STK40: variants seen among roughly 807,000 people sequenced by gnomAD.
The protein encoded by STK40 is serine/threonine kinase 40, also known as serine/threonine-protein kinase 40.
A neutral mutation model predicts 47.9 loss-of-function variants in STK40; 13 were observed. That is an observed-to-expected ratio of 0.27 (90% CI 0.18 to 0.43). STK40 has a LOEUF of 0.43. STK40 is among the 20% of genes least tolerant of loss of function. The pLI, the probability that STK40 is intolerant of heterozygous loss-of-function variation, is 1.00. For missense variants in STK40, 460 were observed against 595.1 expected (o/e 0.77, Z 2.36); for synonymous variants, 225 against 243.2 (o/e 0.93, Z 0.69).
rs773940046 is a variant in STK40 at position 36,343,877 on chromosome 1, A to G, written c.987T>C (p.Ser329=). The change falls in exon 9 of 11, where the codon AGT becomes AGC. Residue 329 remains serine (S), a synonymous_variant. Coordinates refer to ENST00000373132, the MANE Select transcript of STK40 (RefSeq NM_001282547.2). ...CCACTTACCATGATGCAATGATGGC[A>G]CTGAGGGCCTCCAGGACGTCGGCGG... ...LAAADVLEAL[S]AIIASWQSLS... is the part of the protein sequence containing the mutation. 1 of 1,601,398 alleles carries G rather than the reference A, an allele frequency of 6.2e-7. No individual in the cohort carries two copies. Among genetic ancestry groups the G allele is most frequent in the Admixed American group, 1.7e-5 (1 of 59,052 alleles).
intron 10 of STK40, chr1:36,343,149 C>G: frequency 2.9e-6 from 2 of 690,286 alleles, no homozygotes; most frequent in Non-Finnish European, 5.3e-6. Context: ...ACAGGTCTCT[C>G]TGGCCAAAGA....
intron 4 of STK40, among the ~76,000 whole-genome samples, chr1:36,358,015 A>G (rs1646819890): frequency 6.6e-6 from 1 of 152,200 alleles, no homozygotes. Context: ...AACTGTGTGC[A>G]TTCCTGGCTA....
chr1:36,384,748 T>C (rs186334976), intron 1 of STK40, among the ~76,000 whole-genome samples: 1 of 152,368 alleles, frequency 6.6e-6, no homozygotes, highest in African/African-American at 2.4e-5. Flanking sequence ...ACCAACAACT[T>C]GCACAGCACG....
intron 1 of STK40, among the ~76,000 whole-genome samples, chr1:36,377,729 C>A (rs1413873576): frequency 6.6e-6 from 1 of 152,100 alleles, no homozygotes; most frequent in Non-Finnish European, 1.5e-5. Context: ...CTGCAGCTCT[C>A]CAGATAGGCT....
intron 1 of STK40, among the ~76,000 whole-genome samples, chr1:36,369,124 C>A (rs987692857): frequency 1.1e-4 from 16 of 152,180 alleles, no homozygotes; most frequent in African/African-American, 3.9e-4. Context: ...TCTTTTATGG[C>A]CCCCTCTCTT....
intron 10 of STK40, chr1:36,342,382 C>G (rs927330722): frequency 4.3e-5 from 11 of 255,722 alleles, no homozygotes; most frequent in Admixed American, 2.5e-4. Context: ...ATACGCAGGG[C>G]CCCATGCTGA....
chr1:36,346,855 G>C (rs1339526955), intron 7 of STK40, among the ~76,000 whole-genome samples: 1 of 152,190 alleles, frequency 6.6e-6, no homozygotes, highest in Non-Finnish European at 1.5e-5. Context: ...CCTGAGCCCT[G>C]CAAACAGGCA....
intron 1 of STK40, among the ~76,000 whole-genome samples, chr1:36,377,604 G>C (rs1647002954): frequency 1.3e-5 from 2 of 151,466 alleles, no homozygotes; most frequent in Admixed American, 6.6e-5. Context: ...AGGCAGACTT[G>C]AGAGAGTATG....
rs1209725863 is a variant in STK40, at chr1:36,341,639, C to T, written c.*116G>A. On this transcript the variant is annotated 3_prime_UTR_variant, in exon 11 of 11. Coordinates refer to ENST00000373132, the MANE Select transcript of STK40 (RefSeq NM_001282547.2). ...TGACCTGGGCTGTCCCTGTCCCTGC[C>T]CTGTCCCTATTGTGGCCCGGGAGAG... 7.6e-7 allele frequency: 1 copy of T among 1,310,862 alleles called. No homozygotes were observed. The highest frequency in any genetic ancestry group is 1.1e-6 in the Non-Finnish European group (1 of 943,990). 81.2% of individuals were successfully genotyped at this position (1,310,862 alleles called of 1,614,324 possible).
At chr1:36,349,406 A>G (rs764697994) in intron 6 of STK40, among the ~76,000 whole-genome samples, 9 of 152,206 alleles carry the variant, frequency 5.9e-5, no homozygotes, top group Non-Finnish European at 1.2e-4. Context: ...CAGATGATAC[A>G]ACAAAGGCAC....
At chr1:36,385,069 G>A (rs1323509374) in intron 1 of STK40, among the ~76,000 whole-genome samples, 5 of 152,248 alleles carry the variant, frequency 3.3e-5, no homozygotes, top group Non-Finnish European at 5.9e-5. Context: ...CTCGGCATCA[G>A]GAATCCGAAT....
rs546065586 is a variant in STK40 at position 36,342,206 on chromosome 1, G to A, written c.1090-233C>T. ...GCCGCCCTGCGGACCCGGGACTGAC[G>A]CAGACTCATGCTTCCTAACTCACTG... is the stretch of plus-strand genomic sequence containing the variant. On this transcript the variant is annotated intron_variant, in intron 10 of 10. Coordinates refer to ENST00000373132, the MANE Select transcript of STK40 (RefSeq NM_001282547.2). 1.5e-4 allele frequency: 83 copies of A among 558,824 alleles called. No individual in the cohort carries two copies. In the Admixed American group the frequency reaches 1.6e-3, roughly 11 times the overall value. 34.6% of individuals were successfully genotyped at this position (558,824 alleles called of 1,614,324 possible). A position where few individuals can be genotyped will look rare whatever the true frequency, so the allele number is the denominator to read the frequency against.
At chr1:36,344,339 G>T in intron 7 of STK40, 75 bp from the exon 8 acceptor site, 1 of 1,497,580 alleles carries the variant, frequency 6.7e-7, no homozygotes. Context: ...ATCCCACCTG[G>T]GACCCTCCAC....
intron 6 of STK40, 65 bp from the exon 7 acceptor site, chr1:36,348,880 C>T (rs901001220): frequency 1.5e-6 from 2 of 1,355,360 alleles, no homozygotes; most frequent in Middle Eastern, 1.8e-4. Flanking sequence ...GACACGCAGG[C>T]AGGACACACC....
chr1:36,345,261 C>T (rs1424702919), intron 7 of STK40, among the ~76,000 whole-genome samples: 1 of 152,204 alleles, frequency 6.6e-6, no homozygotes. Flanking sequence ...CTGCCAGGCA[C>T]CCTAGCGTCA....
intron 1 of STK40, among the ~76,000 whole-genome samples, chr1:36,366,755 C>T (rs557555586): frequency 3.3e-5 from 5 of 152,234 alleles, no homozygotes; most frequent in African/African-American, 7.2e-5. Flanking sequence ...GTCCACTACT[C>T]GGTGCCCCAG....
intron 7 of STK40, among the ~76,000 whole-genome samples, chr1:36,347,144 G>C (rs755303144): frequency 4.3e-4 from 66 of 152,252 alleles, no homozygotes; most frequent in Non-Finnish European, 8.2e-4. Context: ...GGGAGCCTCC[G>C]AGGGAGTTGT....
At position 36,341,668 on chromosome 1, in the gene STK40, A is replaced by T. The variant is rs537241074; in HGVS notation, c.*87T>A. Reference sequence around the variant, plus strand: ...TCCCTATTGTGGCCCGGGAGAGTCCAGCACTACAGGGCCCAGCCCTGACAG... The same window carrying T: ...TCCCTATTGTGGCCCGGGAGAGTCCTGCACTACAGGGCCCAGCCCTGACAG... On this transcript the variant is annotated 3_prime_UTR_variant, in exon 11 of 11. Transcript: ENST00000373132. The T allele has an allele frequency of 2.4e-5, 36 of 1,516,710 alleles. No homozygotes were observed. In the East Asian group the frequency reaches 7.5e-4, roughly 32 times the overall value. 94.0% of individuals were successfully genotyped at this position (1,516,710 alleles called of 1,614,324 possible).
intron 7 of STK40, among the ~76,000 whole-genome samples, chr1:36,344,754 CCCTG>C (rs1646685693): frequency 6.6e-6 from 1 of 152,208 alleles, no homozygotes; most frequent in South Asian, 2.1e-4. Flanking sequence ...GCAGGTGCCT[CCCTG>C]CGGTGTTCAC....
Sources: allele counts gnomAD v4.1 joint callset (sites outside exome capture counted in the v4.1 genomes callset), GRCh38; gene constraint gnomAD v4.1.1; transcripts MANE v1.5; gene names NCBI Gene and HGNC (gene_info 2026-07-23, HGNC 2026-07-21).